Variants in BRIP1 observed in about 807,000 individuals in gnomAD.
BRIP1 encodes the protein Fanconi anemia group J protein.
BRIP1 carries 88 observed loss-of-function variants against 119.7 expected under a neutral mutation model. The observed-to-expected ratio is 0.74, with a 90% CI of 0.62 to 0.88. The LOEUF (loss-of-function observed/expected upper bound fraction) is 0.88. BRIP1 is among the 40% of genes least tolerant of loss of function. The pLI is 0.00. For missense variants in BRIP1, 1,259 were observed against 1,455.4 expected (o/e 0.87, Z 2.20); for synonymous variants, 443 against 496.5 (o/e 0.89, Z 1.43).
At chr17:61,813,387 T>C (rs1440652038) in intron 6 of BRIP1, among the ~76,000 whole-genome samples, 1 of 152,098 alleles carries the variant, frequency 6.6e-6, no homozygotes, top group East Asian at 1.9e-4. Flanking sequence ...AGCTCATTCA[T>C]CGAGAGTGGT....
chr17:61,859,739 G>A, intron 3 of BRIP1, 57 bp downstream of exon 3: 1 of 1,075,948 alleles, frequency 9.3e-7, no homozygotes, highest in Non-Finnish European at 1.4e-6. Flanking sequence ...AAAGAATACT[G>A]TATTATATTT....
chr17:61,754,601 A>AAT lies in BRIP1; in HGVS notation c.2098-10012_2098-10011dup, dbSNP rs1193893524. Among the ~76,000 whole-genome samples the AAT allele has an allele frequency of 6.6e-6, 1 of 152,160 alleles. No homozygotes were observed. Among genetic ancestry groups the AAT allele is most frequent in the Non-Finnish European group, 1.5e-5 (1 of 68,032 alleles). On this transcript the variant is annotated intron_variant, in intron 14 of 19. Transcript: ENST00000259008. The surrounding 1 kb of genome is among the most constrained non-coding windows in gnomAD (Gnocchi z 4.1). Reference sequence around the variant, plus strand: ...CAGACTGAATGGCTTAAACAAAAGAAATTTATTTCTTACAGTTATTAGTTT... The same window carrying AAT: ...CAGACTGAATGGCTTAAACAAAAGAAATATTTATTTCTTACAGTTATTAGTTT...
Position 61,849,193 on chromosome 17 carries a change from C to T in BRIP1, c.443G>A (p.Arg148Lys), listed in dbSNP as rs1243511600. Residue 148 changes from arginine (R) to lysine (K), a missense_variant, in exon 5 of 20, where the codon AGA becomes AAA. Physicochemically the swap from Arg to Lys is conservative, Grantham distance 26. Transcript: ENST00000259008. ...LSAKKQASIYRDENDDFQVEK... is the reference protein window; with the variant it reads ...LSAKKQASIYKDENDDFQVEK... ...TACTTGAAAATCATCATTTTCATCT[C>T]TGTATATGGATGCCTGTTTCTTAGC... The T allele has an allele frequency of 6.2e-7, 1 of 1,612,846 alleles. No homozygotes were observed. The highest frequency in any genetic ancestry group is 2.2e-5 in the East Asian group (1 of 44,776).
chr17:61,777,463 C>T (rs2077551836), intron 13 of BRIP1, among the ~76,000 whole-genome samples: 1 of 151,944 alleles, frequency 6.6e-6, no homozygotes, highest in African/African-American at 2.4e-5. Flanking sequence ...AGGTTGAGGG[C>T]TCAGTCCCCA....
At chr17:61,771,191 AT>A (rs1409442831) in intron 14 of BRIP1, among the ~76,000 whole-genome samples, 1 of 152,202 alleles carries the variant, frequency 6.6e-6, no homozygotes, top group Non-Finnish European at 1.5e-5. Context: ...GTATGATTCA[AT>A]TTAGATGAAA....
At position 61,772,329 on chromosome 17, in the gene BRIP1, C is replaced by T. The variant is rs938309352; in HGVS notation, c.2097+4072G>A. Among the ~76,000 whole-genome samples the T allele has an allele frequency of 6.1e-4, 92 of 151,150 alleles. 2 individuals are homozygous for T. Among genetic ancestry groups the T allele is most frequent in the Non-Finnish European group, 1.0e-3 (70 of 67,844 alleles). On this transcript the variant is annotated intron_variant, in intron 14 of 19. Transcript: ENST00000259008. Reference sequence around the variant, plus strand: ...ACAAAGGACAAATACTGTATGATTCCACTTATATGAAGTAGCTACAATAGC... The same window carrying T: ...ACAAAGGACAAATACTGTATGATTCTACTTATATGAAGTAGCTACAATAGC...
At chr17:61,833,543 C>A (rs1383699799) in intron 6 of BRIP1, among the ~76,000 whole-genome samples, 3 of 151,950 alleles carry the variant, frequency 2.0e-5, no homozygotes, top group Non-Finnish European at 4.4e-5. Flanking sequence ...TGGTGGCAGG[C>A]ACCTGTAATC....
At chr17:61,821,019 CAA>C (rs1319184667) in intron 6 of BRIP1, among the ~76,000 whole-genome samples, 4 of 151,682 alleles carry the variant, frequency 2.6e-5, no homozygotes, top group African/African-American at 9.7e-5. Flanking sequence ...GCAAGAGGCT[CAA>C]GAGCACTGGT....
rs1428089239 is a variant in BRIP1, at chr17:61,717,621, C to G, written c.2380-1558G>C. Among the ~76,000 whole-genome samples, 1 of 152,000 alleles carries G rather than the reference C, an allele frequency of 6.6e-6. No homozygotes were observed. Among genetic ancestry groups the G allele is most frequent in the African/African-American group, 2.4e-5 (1 of 41,404 alleles). On this transcript the variant is annotated intron_variant, in intron 16 of 19. Coordinates refer to ENST00000259008, the MANE Select transcript of BRIP1 (RefSeq NM_032043.3). The surrounding 1 kb of genome is among the most constrained non-coding windows in gnomAD (Gnocchi z 4.1). ...TCCTATCTCTGTAATGTTCCCCTTT[C>G]TTTTAGCGACTTTGGATTGGATTAC...
chr17:61,858,139 G>A (rs1381707274), intron 3 of BRIP1, among the ~76,000 whole-genome samples: 4 of 152,068 alleles, frequency 2.6e-5, no homozygotes, highest in African/African-American at 9.7e-5. Flanking sequence ...TACATTGTGT[G>A]CCTACATTGT....
In BRIP1 at chr17:61,815,775, C is replaced by T. The variant is rs1466254403; in HGVS notation, c.628-7018G>A. Among the ~76,000 whole-genome samples, 2 of 152,084 alleles carry T rather than the reference C, an allele frequency of 1.3e-5. No homozygotes were observed. Among genetic ancestry groups the T allele is most frequent in the African/African-American group, 2.4e-5 (1 of 41,432 alleles). On this transcript the variant is annotated intron_variant, in intron 6 of 19. Coordinates refer to ENST00000259008, the MANE Select transcript of BRIP1 (RefSeq NM_032043.3). The surrounding 1 kb of genome is among the most constrained non-coding windows in gnomAD (Gnocchi z 4.1). ...TTAAGCAAAAAAGCAAAACACTGCC[C>T]TTTATTTCAAAAAGTCATGCATATG...
At chr17:61,840,175 A>G (rs1436424938) in intron 6 of BRIP1, among the ~76,000 whole-genome samples, 2 of 152,126 alleles carry the variant, frequency 1.3e-5, no homozygotes, top group South Asian at 2.1e-4. Context: ...CCTGGCCAAC[A>G]TGGTGAAGCC....
rs2061609297 is a variant in BRIP1 at position 61,701,249 on chromosome 17, T to C, written c.2493-7737A>G. 6.6e-6 allele frequency among the ~76,000 whole-genome samples: 1 copy of C among 152,236 alleles called. No homozygotes were observed. The highest frequency in any genetic ancestry group is 1.5e-5 in the Non-Finnish European group (1 of 68,034). ...GTTGAAAACAGTACATTTTAAATAA[T>C]ATAATGTGGCAAATATAGAAATCGG... On this transcript the variant is annotated intron_variant, in intron 17 of 19. Transcript: ENST00000259008. This position sits in a 1 kb window ranked among gnomAD's most constrained non-coding sequence, Gnocchi z 5.1.
In BRIP1 at chr17:61,815,179, C is replaced by T. The variant is rs892952418; in HGVS notation, c.628-6422G>A. 9.3e-5 allele frequency among the ~76,000 whole-genome samples: 14 copies of T among 151,224 alleles called. No homozygotes were observed. The highest frequency in any genetic ancestry group is 7.9e-4 in the Admixed American group (12 of 15,196). ...GGTTTCTCCTCAGTTGTTTCATACC[C>T]AGCAGAATAGCTTTCATCTTAACAC... On this transcript the variant is annotated intron_variant, in intron 6 of 19. Transcript: ENST00000259008. The surrounding 1 kb of genome is among the most constrained non-coding windows in gnomAD (Gnocchi z 4.1).
Position 61,686,216 on chromosome 17 carries a change from T to G in BRIP1, c.2576-51A>C. ...AAATTTGGTTACTTAGTTATTAAAA[T>G]ATTACATGCTAAGGTAATACACTTG... On this transcript the variant is annotated intron_variant, in intron 18 of 19. Transcript: ENST00000259008. The surrounding 1 kb of genome is among the most constrained non-coding windows in gnomAD (Gnocchi z 5.4). The G allele has an allele frequency of 6.7e-7, 1 of 1,495,806 alleles. No individual in the cohort carries two copies. The highest frequency in any genetic ancestry group is 2.3e-5 in the East Asian group (1 of 44,286). The allele number at this position is 1,495,806 out of a possible 1,614,324, so 92.7% of individuals were successfully genotyped here.
In BRIP1 at chr17:61,775,017, A is replaced by C. The variant is rs923072798; in HGVS notation, c.2097+1384T>G. Among the ~76,000 whole-genome samples the C allele has an allele frequency of 1.3e-5, 2 of 152,196 alleles. No individual in the cohort carries two copies. Among genetic ancestry groups the C allele is most frequent in the Admixed American group, 1.3e-4 (2 of 15,270 alleles). On this transcript the variant is annotated intron_variant, in intron 14 of 19. Transcript: ENST00000259008. The surrounding 1 kb of genome is among the most constrained non-coding windows in gnomAD (Gnocchi z 4.4). ...GCTTACATAACTGTGGAGTGAGTAC[A>C]GTTTCCATAATCCCATAAATAACTT...
chr17:61,787,687 C>T (rs2077752003), intron 10 of BRIP1, among the ~76,000 whole-genome samples: 2 of 151,790 alleles, frequency 1.3e-5, no homozygotes, highest in South Asian at 2.1e-4. Context: ...CTCTGTCGCC[C>T]AGGCTGGACT....
rs144940186 is a variant in BRIP1, at chr17:61,742,229, C to A, written c.2379+784G>T. Among the ~76,000 whole-genome samples the A allele has an allele frequency of 1.2e-4, 19 of 152,216 alleles. No individual in the cohort carries two copies. Among genetic ancestry groups the A allele is most frequent in the Non-Finnish European group, 2.4e-4 (16 of 68,038 alleles). On this transcript the variant is annotated intron_variant, in intron 16 of 19. Coordinates refer to ENST00000259008, the MANE Select transcript of BRIP1 (RefSeq NM_032043.3). This position sits in a 1 kb window ranked among gnomAD's most constrained non-coding sequence, Gnocchi z 4.7. ...TCACAGAATTGAAGAGAGTTAGGGC[C>A]TTGCTCTGAATTAAGTTTTGGCTTA...
At position 61,848,718 on chromosome 17, in the gene BRIP1, T is replaced by G. The variant is rs1175552371; in HGVS notation, c.507+411A>C. Among the ~76,000 whole-genome samples the G allele has an allele frequency of 6.6e-6, 1 of 152,200 alleles. No individual in the cohort carries two copies. Among genetic ancestry groups the G allele is most frequent in the Non-Finnish European group, 1.5e-5 (1 of 68,038 alleles). Reference sequence around the variant, plus strand: ...CTTAAAAACTCAGTAAGAATACATCTTGTCATTACATTAAAACTATCAATT... The same window carrying G: ...CTTAAAAACTCAGTAAGAATACATCGTGTCATTACATTAAAACTATCAATT... On this transcript the variant is annotated intron_variant, in intron 5 of 19. Transcript: ENST00000259008. This position sits in a 1 kb window ranked among gnomAD's most constrained non-coding sequence, Gnocchi z 4.3.
Sources: allele counts gnomAD v4.1 joint callset (sites outside exome capture counted in the v4.1 genomes callset), GRCh38; gene constraint gnomAD v4.1.1; non-coding constraint Gnocchi (gnomAD v3.1); transcripts MANE v1.5; gene names NCBI Gene and HGNC (gene_info 2026-07-23, HGNC 2026-07-21).